KLHL20: variants seen among roughly 807,000 people sequenced by gnomAD.
KLHL20 encodes the protein kelch like family member 20.
KLHL20 carries 29 observed loss-of-function variants against 69.5 expected under a neutral mutation model. That is an observed-to-expected ratio of 0.42 (90% CI 0.31 to 0.57). KLHL20 has a LOEUF of 0.57. Ranked by LOEUF, KLHL20 falls within the 20% of genes least tolerant of loss-of-function variation. KLHL20 has a pLI of 0.18. For synonymous variants in KLHL20, 253 were observed against 265.2 expected (o/e 0.95, Z 0.45); for missense variants, 419 against 776.0 (o/e 0.54, Z 5.47).
intron 8 of KLHL20, among the ~76,000 whole-genome samples, chr1:173,770,089 C>G (rs1470911327): frequency 6.6e-6 from 1 of 151,928 alleles, no homozygotes; most frequent in Non-Finnish European, 1.5e-5. Context: ...AGATTCCATA[C>G]AAAGTTAATA....
chr1:173,738,263 G>T (rs1037626326), intron 3 of KLHL20, among the ~76,000 whole-genome samples: 2 of 152,078 alleles, frequency 1.3e-5, no homozygotes, highest in Non-Finnish European at 2.9e-5. Context: ...TGACCTCCAG[G>T]GCACAAGCGA....
In KLHL20 at chr1:173,757,169, G is replaced by A; in HGVS notation, c.1151+10G>A. 6.3e-7 allele frequency: 1 copy of A among 1,591,026 alleles called. No homozygotes were observed. ...TCAATAGTGTTGAAAGGTGAGTAAGGTCAATCTGTAATTTTCTCTCTACTA... is the reference window on the plus strand; with the variant it reads ...TCAATAGTGTTGAAAGGTGAGTAAGATCAATCTGTAATTTTCTCTCTACTA... On this transcript the variant is annotated intron_variant, in intron 7 of 11. Transcript: ENST00000209884.
chr1:173,778,143 G>A lies in KLHL20; in HGVS notation c.1638+2301G>A, dbSNP rs563548124. Among the ~76,000 whole-genome samples, 123 of 151,874 alleles carry A rather than the reference G, an allele frequency of 8.1e-4. 1 individual carries two copies. Among genetic ancestry groups the A allele is most frequent in the Admixed American group, 7.8e-3 (119 of 15,236 alleles). On this transcript the variant is annotated intron_variant, in intron 10 of 11. Transcript: ENST00000209884. ...AGGTTTGATACATAGGTCTACATGT[G>A]CCTACATGTGCCATGTTTGCTGCAC... is the stretch of plus-strand genomic sequence containing the variant.
intron 7 of KLHL20, among the ~76,000 whole-genome samples, chr1:173,763,117 T>C (rs1277381169): frequency 6.6e-6 from 1 of 151,958 alleles, no homozygotes; most frequent in Admixed American, 6.6e-5. Context: ...GAACTCAACT[T>C]TTTTTTACAA....
chr1:173,715,575 C>A (rs1242694404), intron 1 of KLHL20: 2 of 155,482 alleles, frequency 1.3e-5, no homozygotes, highest in African/African-American at 4.8e-5. Flanking sequence ...GCAGACGCCT[C>A]CTCCTCCTGT....
Position 173,775,794 on chromosome 1 carries a change from A to G in KLHL20, c.1590A>G (p.Arg530=). Residue 530 remains arginine (R), a synonymous_variant, in exon 10 of 12, where the codon AGA becomes AGG. Coordinates refer to ENST00000209884, the MANE Select transcript of KLHL20 (RefSeq NM_014458.4). ...ELSSAERYNP[R]TNQWSPVVAM... ...GCAGTGCTGAGAGATACAACCCCAG[A>G]ACCAACCAGTGGTCTCCAGTGGTGG... The G allele has an allele frequency of 6.2e-7, 1 of 1,614,196 alleles. No individual in the cohort carries two copies. The highest frequency in any genetic ancestry group is 8.5e-7 in the Non-Finnish European group (1 of 1,180,032).
chr1:173,732,438 A>G (rs1003988953), intron 2 of KLHL20, among the ~76,000 whole-genome samples: 58 of 152,208 alleles, frequency 3.8e-4, no homozygotes, highest in Admixed American at 3.7e-3. Flanking sequence ...TTGGGATTTC[A>G]AAACTCAGGC....
intron 3 of KLHL20, among the ~76,000 whole-genome samples, chr1:173,744,800 C>G (rs546628297): frequency 6.6e-6 from 1 of 152,242 alleles, no homozygotes; most frequent in Non-Finnish European, 1.5e-5. Flanking sequence ...GGCCATATAC[C>G]AGTATGATAC....
In KLHL20 at chr1:173,716,037, A is replaced by T. The variant is rs112807816; in HGVS notation, c.-7A>T. On this transcript the variant is annotated 5_prime_UTR_variant, in exon 2 of 12. An upstream start codon of the reference 5' UTR is lost. Transcript: ENST00000209884. The stretch of plus-strand genomic sequence containing the variant: ...TAGAGTGTGGTGAAGGGTACTTTTC[A>T]TGGTGCATGGAAGGAAAGCCAATGC... 1 of 1,613,456 alleles carries T rather than the reference A, an allele frequency of 6.2e-7. No homozygotes were observed. Among genetic ancestry groups the T allele is most frequent in the Non-Finnish European group, 8.5e-7 (1 of 1,179,698 alleles).
At chr1:173,729,869 G>A (rs1672171582) in intron 2 of KLHL20, among the ~76,000 whole-genome samples, 1 of 152,252 alleles carries the variant, frequency 6.6e-6, no homozygotes, top group African/African-American at 2.4e-5. Flanking sequence ...TTCTGGCCAA[G>A]ACAATCAGGC....
At chr1:173,775,047 G>A (rs1648367916) in intron 9 of KLHL20, among the ~76,000 whole-genome samples, 1 of 152,192 alleles carries the variant, frequency 6.6e-6, no homozygotes, top group Non-Finnish European at 1.5e-5. Flanking sequence ...CTGAGCTCCA[G>A]TGATCTGCCC....
At chr1:173,774,873 C>G (rs1648353319) in intron 9 of KLHL20, among the ~76,000 whole-genome samples, 1 of 152,134 alleles carries the variant, frequency 6.6e-6, no homozygotes, top group Non-Finnish European at 1.5e-5. Context: ...TCCAGTGCCA[C>G]AATCTTGGCT....
In KLHL20 at chr1:173,782,221, A is replaced by G. The variant is rs1182746919; in HGVS notation, c.1736A>G (p.Asn579Ser). ...ATAGAAGTTTTTGATCCTGATGCCA[A>G]TACATGGAGGTAACTTTTAAGCTGT... ...KTIEVFDPDA[N>S]TWRLYGGMNY... The change falls in exon 11 of 12, where the codon AAT becomes AGT. Residue 579 changes from asparagine (N) to serine (S), a missense_variant. Transcript: ENST00000209884. The G allele has an allele frequency of 1.8e-5, 29 of 1,612,336 alleles. No homozygotes were observed. Among genetic ancestry groups the G allele is most frequent in the Non-Finnish European group, 2.4e-5 (28 of 1,178,514 alleles).
At chr1:173,761,209 T>G (rs1647280542) in intron 7 of KLHL20, among the ~76,000 whole-genome samples, 1 of 152,176 alleles carries the variant, frequency 6.6e-6, no homozygotes, top group Admixed American at 6.5e-5. Flanking sequence ...TACATGCACC[T>G]AACACTGGAG....
At chr1:173,769,449 C>T (rs1647943954) in intron 8 of KLHL20, among the ~76,000 whole-genome samples, 1 of 151,990 alleles carries the variant, frequency 6.6e-6, no homozygotes, top group Admixed American at 6.6e-5. Context: ...CCTTGTTTTC[C>T]TTGAAAAGAG....
At chr1:173,781,767 C>T (rs565142521) in intron 10 of KLHL20, 56 of 176,458 alleles carry the variant, frequency 3.2e-4, no homozygotes, top group Admixed American at 8.8e-4. Flanking sequence ...CATGCCTGGC[C>T]TAGATTTGTA....
rs568740887 is a variant in KLHL20, at chr1:173,785,138, T to C, written c.1746-25T>C. The C allele has an allele frequency of 1.0e-5, 16 of 1,593,128 alleles. No homozygotes were observed. In the East Asian group the frequency reaches 2.7e-4, roughly 27 times the overall value. ...TGTAACATATTTTCCAGTTAGAAAA[T>C]ATGATTATGTTTCTTTCTTTGCAGG... is the stretch of plus-strand genomic sequence containing the variant. On this transcript the variant is annotated intron_variant, in intron 11 of 11. Transcript: ENST00000209884.
intron 11 of KLHL20, among the ~76,000 whole-genome samples, chr1:173,784,165 G>A (rs1331419546): frequency 1.3e-5 from 2 of 152,198 alleles, no homozygotes; most frequent in African/African-American, 4.8e-5. Flanking sequence ...CATACCAGTA[G>A]ATGGAAGTGC....
At chr1:173,732,196 CA>C (rs757983555) in intron 2 of KLHL20, among the ~76,000 whole-genome samples, 88 of 114,412 alleles carry the variant, frequency 7.7e-4, no homozygotes, top group African/African-American at 9.5e-4. Context: ...GACTCTGTCT[CA>C]AAAAAAAAAA....
Sources: allele counts gnomAD v4.1 joint callset (sites outside exome capture counted in the v4.1 genomes callset), GRCh38; gene constraint gnomAD v4.1.1; transcripts MANE v1.5; gene names NCBI Gene and HGNC (gene_info 2026-07-23, HGNC 2026-07-21).